The following TXNDC11 variants were observed in gnomAD, a reference collection of about 807,000 sequenced individuals.
The protein encoded by TXNDC11 is thioredoxin domain containing 11.
Under a neutral mutation model 78.0 loss-of-function variants are expected in TXNDC11, and 68 were observed. The observed-to-expected ratio is 0.87, with a 90% CI of 0.72 to 1.07. The LOEUF (loss-of-function observed/expected upper bound fraction) is 1.07. Among genes scored for constraint, TXNDC11 ranks in the 50% least tolerant of loss-of-function variants. The probability of loss-of-function intolerance (pLI) is 0.00; values close to 1 mark genes in which losing one functional copy is unlikely to be tolerated. For missense variants in TXNDC11, 1,389 were observed against 1,221.8 expected, an observed-to-expected ratio of 1.14 and a Z score of -2.04; for synonymous variants, 571 against 495.2, an observed-to-expected ratio of 1.15 and a Z score of -2.03.
Position 11,721,608 on chromosome 16 carries a change from G to C in TXNDC11, c.762C>G (p.Phe254Leu), listed in dbSNP as rs1007740911. The part of the protein sequence containing the change: ...GSPQPPGYLT[F>L]FTSALHSLKK... ...TTAATGAATGTAATGCTGAGGTGAA[G>C]AAGGTCAAATAACCAGGAGGCTGGG... The change falls in exon 5 of 12, where the codon TTC (phenylalanine) becomes TTG (leucine). Residue 254 changes from phenylalanine (F) to leucine (L), a missense_variant. Physicochemically the swap from Phe to Leu is conservative, Grantham distance 22 (BLOSUM62 0). Transcript: ENST00000283033. The C allele has an allele frequency of 3.1e-6, 5 of 1,611,394 alleles. No individual in the cohort carries two copies. The highest frequency in any genetic ancestry group is 2.5e-6 in the Non-Finnish European group (3 of 1,178,188).
At chr16:11,740,617 C>G (rs1038222334) in intron 1 of TXNDC11, among the ~76,000 whole-genome samples, 3 of 152,270 alleles carry the variant, frequency 2.0e-5, no homozygotes, top group Admixed American at 6.5e-5. Context: ...CCTCGCAACA[C>G]TCTACCTTGT....
chr16:11,739,027 C>CA (rs1373976124), intron 1 of TXNDC11, among the ~76,000 whole-genome samples: 1 of 149,236 alleles, frequency 6.7e-6, no homozygotes, highest in Non-Finnish European at 1.5e-5. Context: ...AACTCCATCT[C>CA]AAAAGAAAAA....
At chr16:11,694,588 C>A (rs1311756507) in intron 7 of TXNDC11, among the ~76,000 whole-genome samples, 1 of 151,982 alleles carries the variant, frequency 6.6e-6, no homozygotes, top group Admixed American at 6.5e-5. Context: ...GCTGAGACTA[C>A]AGGCGCACAC....
Position 11,684,200 on chromosome 16 carries a change from A to C in TXNDC11, c.2199T>G (p.Asp733Glu). The C allele has an allele frequency of 6.2e-7, 1 of 1,613,994 alleles. No individual in the cohort carries two copies. The highest frequency in any genetic ancestry group is 8.5e-7 in the Non-Finnish European group (1 of 1,179,880). Residue 733 changes from aspartate to glutamate, a missense_variant, in exon 11 of 12, where the codon GAT becomes GAG. Coordinates refer to ENST00000283033, the MANE Select transcript of TXNDC11 (RefSeq NM_015914.7). ...QNDLPWEFMVDRLPTVLFFPC... is the reference protein window; with the variant it reads ...QNDLPWEFMVERLPTVLFFPC... ...GAAAAAACAAGACAGTAGGAAGACG[A>C]TCGACCATAAATTCCCAAGGAAGGT... is the stretch of plus-strand genomic sequence containing the variant.
intron 6 of TXNDC11, among the ~76,000 whole-genome samples, chr16:11,698,783 G>A (rs540592272): frequency 3.9e-5 from 6 of 152,212 alleles, no homozygotes; most frequent in South Asian, 2.1e-4. Context: ...TGGAGCCTCC[G>A]TGCGGCACAG....
chr16:11,708,041 A>C (rs1251449691), intron 5 of TXNDC11, among the ~76,000 whole-genome samples: 2 of 152,122 alleles, frequency 1.3e-5, no homozygotes, highest in Non-Finnish European at 2.9e-5. Context: ...CTATAATTGC[A>C]CCACTGCACT....
intron 1 of TXNDC11, among the ~76,000 whole-genome samples, chr16:11,736,644 A>G (rs1042435043): frequency 6.6e-6 from 1 of 152,224 alleles, no homozygotes; most frequent in Non-Finnish European, 1.5e-5. Flanking sequence ...ACCATTAACA[A>G]GATTTCCACG....
At chr16:11,702,236 A>G (rs2051051932) in intron 5 of TXNDC11, among the ~76,000 whole-genome samples, 1 of 151,658 alleles carries the variant, frequency 6.6e-6, no homozygotes, top group Non-Finnish European at 1.5e-5. Flanking sequence ...TGAAGCTTTC[A>G]TTTTTTTTCA....
chr16:11,679,272 G>C lies in TXNDC11; in HGVS notation c.2800C>G (p.Pro934Ala). ...TTGGCAGGTGGAGGGGAGCTGCCAGGGAGCTGGGGGGTGGCTGAGGGCTCA... is the reference window on the plus strand; with the variant it reads ...TTGGCAGGTGGAGGGGAGCTGCCAGCGAGCTGGGGGGTGGCTGAGGGCTCA... ...QPEPSATPQL[P>A]GSSPPPANVS... The change falls in exon 12 of 12, where the codon CCT becomes GCT. Residue 934 changes from proline to alanine, a missense_variant. Transcript: ENST00000283033. This position sits in a 1 kb window ranked among gnomAD's most constrained non-coding sequence, Gnocchi z 4.6. 6.2e-7 allele frequency: 1 copy of C among 1,612,990 alleles called. No homozygotes were observed.
rs914136354 is a variant in TXNDC11 at position 11,679,266 on chromosome 16, T to C, written c.2806A>G (p.Ser936Gly). ...CTGACATTGGCAGGTGGAGGGGAGCTGCCAGGGAGCTGGGGGGTGGCTGAG... is the reference window on the plus strand; with the variant it reads ...CTGACATTGGCAGGTGGAGGGGAGCCGCCAGGGAGCTGGGGGGTGGCTGAG... ...EPSATPQLPGSSPPPANVSAT... is the reference protein window; with the variant it reads ...EPSATPQLPGGSPPPANVSAT... Residue 936 changes from serine to glycine, a missense_variant, in exon 12 of 12, where the codon AGC becomes GGC. By Grantham distance (56) the Ser-to-Gly change is moderately conservative. Coordinates refer to ENST00000283033, the MANE Select transcript of TXNDC11 (RefSeq NM_015914.7). This position sits in a 1 kb window ranked among gnomAD's most constrained non-coding sequence, Gnocchi z 4.6. The C allele has an allele frequency of 6.2e-7, 1 of 1,613,194 alleles. No homozygotes were observed. Among genetic ancestry groups the C allele is most frequent in the African/African-American group, 1.3e-5 (1 of 75,044 alleles).
chr16:11,701,233 C>T (rs779415200), intron 5 of TXNDC11, among the ~76,000 whole-genome samples: 1 of 144,294 alleles, frequency 6.9e-6, no homozygotes, highest in African/African-American at 2.6e-5. Flanking sequence ...GTCTCATGGG[C>T]TCAAGCAATT....
intron 1 of TXNDC11, among the ~76,000 whole-genome samples, chr16:11,740,595 AC>A (rs2141133422): frequency 6.6e-6 from 1 of 152,354 alleles, no homozygotes; most frequent in African/African-American, 2.4e-5. Context: ...CCTAATTTGA[AC>A]CTAAATGTCA....
rs1204267708 is a variant in TXNDC11 at position 11,679,236 on chromosome 16, T to G, written c.2836A>C (p.Thr946Pro). The G allele has an allele frequency of 1.2e-6, 2 of 1,613,772 alleles. No homozygotes were observed. The highest frequency in any genetic ancestry group is 1.7e-6 in the Non-Finnish European group (2 of 1,180,016). ...SSPPPANVSA[T>P]LVSERNKENR... is the part of the protein sequence containing the mutation. ...TCCTTATTCCTTTCAGACACCAGTG[T>G]GGCGCTGACATTGGCAGGTGGAGGG... is the stretch of plus-strand genomic sequence containing the variant. Residue 946 changes from threonine (T) to proline (P), a missense_variant, in exon 12 of 12, where the codon ACA becomes CCA. Transcript: ENST00000283033. The surrounding 1 kb of genome is among the most constrained non-coding windows in gnomAD (Gnocchi z 4.6).
intron 5 of TXNDC11, among the ~76,000 whole-genome samples, chr16:11,710,041 G>A (rs2051301757): frequency 6.6e-6 from 1 of 152,146 alleles, no homozygotes; most frequent in African/African-American, 2.4e-5. Flanking sequence ...TACTCGGGAG[G>A]CTGAGGCAGG....
At chr16:11,738,918 T>C (rs953955583) in intron 1 of TXNDC11, among the ~76,000 whole-genome samples, 1 of 152,002 alleles carries the variant, frequency 6.6e-6, no homozygotes, top group Non-Finnish European at 1.5e-5. Flanking sequence ...TCCCAGCCAC[T>C]TGGGAGGCTG....
At chr16:11,701,642 A>G (rs887844884) in intron 5 of TXNDC11, among the ~76,000 whole-genome samples, 8 of 152,230 alleles carry the variant, frequency 5.3e-5, no homozygotes, top group African/African-American at 1.9e-4. Context: ...AAATATGTAT[A>G]CATGGCTAAT....
chr16:11,742,129 G>A (rs545307479), intron 1 of TXNDC11: 3 of 288,688 alleles, frequency 1.0e-5, no homozygotes, highest in East Asian at 6.1e-5. Flanking sequence ...AGCTTAAGGG[G>A]AATGAAATCG....
In TXNDC11 at chr16:11,721,653, G is replaced by A; in HGVS notation, c.717C>T (p.Tyr239=). The A allele has an allele frequency of 6.2e-7, 1 of 1,610,850 alleles. No individual in the cohort carries two copies. Among genetic ancestry groups the A allele is most frequent in the Non-Finnish European group, 8.5e-7 (1 of 1,177,674 alleles). The part of the protein sequence containing the change: ...LSNYEPGVLG[Y]FEFSGSPQPP... ...GCTGGGGTGAGCCACTGAACTCAAA[G>A]TACCCGAGTACTCCAGGCTGCAGGA... Residue 239 remains tyrosine, a synonymous_variant, in exon 5 of 12, where the codon TAC becomes TAT. Coordinates refer to ENST00000283033, the MANE Select transcript of TXNDC11 (RefSeq NM_015914.7).
chr16:11,738,240 T>C (rs1413535864), intron 1 of TXNDC11, among the ~76,000 whole-genome samples: 3 of 152,244 alleles, frequency 2.0e-5, no homozygotes, highest in African/African-American at 7.2e-5. Flanking sequence ...CAGGCAGAAG[T>C]ATCCAACGGA....
Sources: gnomAD v4.1 joint callset for allele counts (sites outside exome capture counted in the v4.1 genomes callset) on GRCh38, gnomAD v4.1.1 for gene constraint, Gnocchi (gnomAD v3.1) non-coding constraint, MANE v1.5 for transcripts, NCBI Gene and HGNC (gene_info 2026-07-23, HGNC 2026-07-21) for gene names.